The following STAC3 variants were observed in gnomAD, a reference collection of about 807,000 sequenced individuals.
STAC3 encodes the protein SH3 and cysteine rich domain 3, also known as SH3 and cysteine-rich domain-containing protein 3.
In STAC3, 30 loss-of-function variants were observed where a neutral mutation model predicts 48.5. The ratio of observed to expected loss-of-function variants is 0.62; its 90% CI spans 0.46 to 0.84. The LOEUF (loss-of-function observed/expected upper bound fraction) is 0.84, where lower values mean the gene tolerates loss of function less well. STAC3 is among the 40% of genes least tolerant of loss of function. STAC3 has a pLI of 0.00. For synonymous variants in STAC3, 144 were observed against 158.6 expected (o/e 0.91, Z 0.69); for missense variants, 419 against 462.6 (o/e 0.91, Z 0.86).
chr12:57,247,794 C>G (rs1187496977), intron 5 of STAC3, among the ~76,000 whole-genome samples: 1 of 152,120 alleles, frequency 6.6e-6, no homozygotes, highest in Non-Finnish European at 1.5e-5. Flanking sequence ...TGATATGACT[C>G]TGTAGTAAGG....
chr12:57,248,033 T>C, intron 5 of STAC3, 93 bp downstream of exon 5: 1 of 1,147,412 alleles, frequency 8.7e-7, no homozygotes, highest in South Asian at 1.2e-5. Flanking sequence ...AAACAGAAAG[T>C]TTCTGTTTCA....
At position 57,249,325 on chromosome 12, in the gene STAC3, A is replaced by G; in HGVS notation, c.67-17T>C. ...CCGCTGTAGCTGAGGGAGGGAGTGA[A>G]GAAAACCCAATGTTAAAAGGACTTG... On this transcript the variant is annotated splice_polypyrimidine_tract_variant and intron_variant, in intron 2 of 11. Coordinates refer to ENST00000332782, the MANE Select transcript of STAC3 (RefSeq NM_145064.3). The G allele has an allele frequency of 6.4e-7, 1 of 1,558,818 alleles. No individual in the cohort carries two copies. The highest frequency in any genetic ancestry group is 2.0e-5 in the Admixed American group (1 of 50,950).
intron 6 of STAC3, among the ~76,000 whole-genome samples, chr12:57,246,043 A>G (rs1024402573): frequency 7.1e-6 from 1 of 140,574 alleles, no homozygotes; most frequent in African/African-American, 2.7e-5. Context: ...CGGGAGGCAG[A>G]GTTTGCGGTG....
At chr12:57,246,109 C>CA (rs71084732) in intron 6 of STAC3, among the ~76,000 whole-genome samples, 1,461 of 79,830 alleles carry the variant, frequency 0.018, 34 homozygotes, top group African/African-American at 0.054. Context: ...AACTCTATCT[C>CA]AAAAAAAAAA....
Position 57,246,980 on chromosome 12 carries a change from T to C in STAC3, c.506-79A>G, listed in dbSNP as rs1210356315. On this transcript the variant is annotated intron_variant, in intron 5 of 11. Transcript: ENST00000332782. Reference sequence around the variant, plus strand: ...GGAGGAAAGGAAGGGAGAGGTGGGATTGAGTAGATGGATACCCATGTGTGT... The same window carrying C: ...GGAGGAAAGGAAGGGAGAGGTGGGACTGAGTAGATGGATACCCATGTGTGT... The C allele has an allele frequency of 9.1e-5, 126 of 1,379,198 alleles. 1 individual carries two copies. Among genetic ancestry groups the C allele is most frequent in the Admixed American group, 5.1e-5 (3 of 59,252 alleles). 85.4% of individuals were successfully genotyped at this position (1,379,198 alleles called of 1,614,324 possible). A position where few individuals can be genotyped will look rare whatever the true frequency, so the allele number is the denominator to read the frequency against.
Position 57,243,643 on chromosome 12 carries a change from G to T in STAC3, c.*169C>A. 1 of 729,690 alleles carries T rather than the reference G, an allele frequency of 1.4e-6. No individual in the cohort carries two copies. 45.2% of individuals were successfully genotyped at this position (729,690 alleles called of 1,614,324 possible). A position where few individuals can be genotyped will look rare whatever the true frequency, so the allele number is the denominator to read the frequency against. On this transcript the variant is annotated 3_prime_UTR_variant, in exon 12 of 12. Coordinates refer to ENST00000332782, the MANE Select transcript of STAC3 (RefSeq NM_145064.3). Reference sequence around the variant, plus strand: ...CAGCAGGTATCCGAGGCCCCAGGCTGGGGAAGGGGGCGAGAACCAGTCCCT... The same window carrying T: ...CAGCAGGTATCCGAGGCCCCAGGCTTGGGAAGGGGGCGAGAACCAGTCCCT...
At position 57,245,875 on chromosome 12, in the gene STAC3, C is replaced by T. The variant is rs1050867052; in HGVS notation, c.604-664G>A. 4.0e-5 allele frequency among the ~76,000 whole-genome samples: 6 copies of T among 151,816 alleles called. No homozygotes were observed. The East Asian group carries it at 1.2e-3, about 30-fold the overall frequency. On this transcript the variant is annotated intron_variant, in intron 6 of 11. Transcript: ENST00000332782. ...TTGTAATCCCAGCACTTTGGGAGGC[C>T]GAGGTGGGCGGATCACCTGAGGTCG...
In STAC3 at chr12:57,248,216, A is replaced by G. The variant is rs1565782623; in HGVS notation, c.433-18T>C. On this transcript the variant is annotated intron_variant, in intron 4 of 11. Transcript: ENST00000332782. ...CCAGGTGGCTGTAGGATGGGATGAGAGGAAGCATTAGAGGTAGCAAAGTAA... is the reference window on the plus strand; with the variant it reads ...CCAGGTGGCTGTAGGATGGGATGAGGGGAAGCATTAGAGGTAGCAAAGTAA... 6.2e-7 allele frequency: 1 copy of G among 1,602,874 alleles called. No individual in the cohort carries two copies. Among genetic ancestry groups the G allele is most frequent in the South Asian group, 1.1e-5 (1 of 90,874 alleles).
chr12:57,249,066 A>T lies in STAC3; in HGVS notation c.309T>A (p.Cys103Ter), dbSNP rs1313885486. 1 of 1,604,212 alleles carries T rather than the reference A, an allele frequency of 6.2e-7. No homozygotes were observed. Among genetic ancestry groups the T allele is most frequent in the East Asian group, 2.2e-5 (1 of 44,794 alleles). The change falls in exon 3 of 12, where the codon TGT (cysteine) becomes TGA (stop). Residue 103 changes from cysteine (C) to a stop codon, truncating the protein, a stop_gained. Transcript: ENST00000332782. LOFTEE classifies it high-confidence loss of function. Reference sequence around the variant, plus strand: ...GAACAATCATCCGGGCACAGACATCACAGAACTTTGGCTTCTTGAAGAAGT... The same window carrying T: ...GAACAATCATCCGGGCACAGACATCTCAGAACTTTGGCTTCTTGAAGAAGT... ...KDHFFKKPKF[C>*]DVCARMIVLN...
In STAC3 at chr12:57,244,264, G is replaced by A; in HGVS notation, c.859-39C>T. 2.5e-6 allele frequency: 4 copies of A among 1,614,110 alleles called. No individual in the cohort carries two copies. In the South Asian group the frequency reaches 3.3e-5, roughly 13 times the overall value. On this transcript the variant is annotated intron_variant, in intron 10 of 11. Transcript: ENST00000332782. ...TAGGGAGAGTCCATCTCTCAATGTC[G>A]GGTTCTGGACTCAACCCACACTCCA... is the stretch of plus-strand genomic sequence containing the variant.
chr12:57,245,069 T>TGTTCCACAAAGG, intron 7 of STAC3, 76 bp downstream of exon 7: 3 of 1,606,202 alleles, frequency 1.9e-6, no homozygotes, highest in Non-Finnish European at 2.6e-6. Flanking sequence ...GGCCTGCCCT[T>TGTTCCACAAAGG]TGCTCCTCCA....
At position 57,243,855 on chromosome 12, in the gene STAC3, C is replaced by A. The variant is rs762866281; in HGVS notation, c.1052G>T (p.Arg351Leu). Reference protein sequence around the residue: ...AGGYVKVYTGRKVGLFPTDFL... With the variant: ...AGGYVKVYTGLKVGLFPTDFL... ...GTCGGTGGGAAACAGCCCCACCTTG[C>A]GGCCGGTGTAGACCTTGACGTAGCC... The change falls in exon 12 of 12, where the codon CGC becomes CTC. Residue 351 changes from arginine to leucine, a missense_variant. Arg to Leu is a moderately radical substitution (Grantham distance 102). Coordinates refer to ENST00000332782, the MANE Select transcript of STAC3 (RefSeq NM_145064.3). 3.4e-5 allele frequency: 55 copies of A among 1,613,968 alleles called. No individual in the cohort carries two copies. The highest frequency in any genetic ancestry group is 5.0e-5 in the Admixed American group (3 of 59,998).
Position 57,244,331 on chromosome 12 carries a change from T to A in STAC3, c.842A>T (p.Asn281Ile), listed in dbSNP as rs115276341. The change falls in exon 10 of 12, where the codon AAT (asparagine) becomes ATT (isoleucine). Residue 281 changes from asparagine (N) to isoleucine (I), a missense_variant. Transcript: ENST00000332782. Reference protein sequence around the residue: ...GEKITVIDDSNEEWWRGKIGE... With the variant: ...GEKITVIDDSIEEWWRGKIGE... ...TTCTCTCACCCGCCACCATTCTTCA[T>A]TGGAGTCATCAATGACTGTGATCTT... 6.2e-6 allele frequency: 10 copies of A among 1,614,022 alleles called. No homozygotes were observed. The highest frequency in any genetic ancestry group is 5.3e-5 in the African/African-American group (4 of 74,918).
intron 1 of STAC3, among the ~76,000 whole-genome samples, chr12:57,250,315 G>A (rs749574232): frequency 1.3e-5 from 2 of 149,486 alleles, no homozygotes; most frequent in Non-Finnish European, 3.0e-5. Flanking sequence ...GCTTGAACCC[G>A]GGAGGCGGAG....
Position 57,244,313 on chromosome 12 carries a change from A to AC in STAC3, c.858+1dup. ...CACCCTAGCCCTAGCCATTTCTCTC[A>AC]CCCGCCACCATTCTTCATTGGAGTC... On this transcript the variant is annotated splice_donor_variant, in intron 10 of 11. Transcript: ENST00000332782. LOFTEE classifies it high-confidence loss of function. The AC allele has an allele frequency of 6.2e-7, 1 of 1,613,388 alleles. No homozygotes were observed. The highest frequency in any genetic ancestry group is 8.5e-7 in the Non-Finnish European group (1 of 1,179,906).
chr12:57,244,754 GT>G, intron 8 of STAC3, 132 bp from the exon 9 acceptor site: 1 of 1,391,030 alleles, frequency 7.2e-7, no homozygotes, highest in Non-Finnish European at 1.0e-6. Context: ...TGAGAGAAGT[GT>G]TTTGGTCGTG....
At chr12:57,248,438 G>A in intron 4 of STAC3, 1 of 570,052 alleles carries the variant, frequency 1.8e-6, no homozygotes. Flanking sequence ...GAGTGCAGTG[G>A]CACAATCTCG....
At chr12:57,249,807 G>A in intron 1 of STAC3, 170 bp from the exon 2 acceptor site, 1 of 652,232 alleles carries the variant, frequency 1.5e-6, no homozygotes, top group South Asian at 1.8e-5. Context: ...CCAGGCTGGA[G>A]TGCAGTGGCG....
Position 57,243,489 on chromosome 12 carries a change from A to G in STAC3, c.*323T>C, listed in dbSNP as rs1401065339. On this transcript the variant is annotated 3_prime_UTR_variant, in exon 12 of 12. Coordinates refer to ENST00000332782, the MANE Select transcript of STAC3 (RefSeq NM_145064.3). ...TTGTCAAAAGTTTAATAAATTCGCA[A>G]CATTCGACAGTTCGCCCTCCCTCGC... 1.7e-5 allele frequency: 10 copies of G among 571,828 alleles called. No homozygotes were observed. The East Asian group carries it at 3.2e-4, about 18-fold the overall frequency. 35.4% of individuals were successfully genotyped at this position (571,828 alleles called of 1,614,324 possible).
Sources: gnomAD v4.1 joint callset for allele counts (sites outside exome capture counted in the v4.1 genomes callset) on GRCh38, gnomAD v4.1.1 for gene constraint, MANE v1.5 for transcripts, NCBI Gene and HGNC (gene_info 2026-07-23, HGNC 2026-07-21) for gene names.